STIM1: variants seen among roughly 807,000 people sequenced by gnomAD.
STIM1 encodes the protein stromal interaction molecule 1.
In STIM1, 25 loss-of-function variants were observed where a neutral mutation model predicts 74.7. That is an observed-to-expected ratio of 0.33 (90% CI 0.24 to 0.47). The LOEUF (loss-of-function observed/expected upper bound fraction) is 0.47, where lower values mean the gene tolerates loss of function less well. STIM1 is among the 20% of genes least tolerant of loss of function. The pLI, the probability that STIM1 is intolerant of heterozygous loss-of-function variation, is 1.00. For synonymous variants in STIM1, 328 were observed against 348.8 expected (o/e 0.94, Z 0.66); for missense variants, 728 against 920.8 (o/e 0.79, Z 2.71).
chr11:4,088,855 C>A, intron 12 of STIM1: 1 of 1,018,876 alleles, frequency 9.8e-7, no homozygotes, highest in Non-Finnish European at 1.5e-6. Context: ...GGCCTTTTCC[C>A]TCCTATATCT....
intron 1 of STIM1, among the ~76,000 whole-genome samples, chr11:3,949,183 G>C (rs1377708540): frequency 6.6e-6 from 1 of 152,172 alleles, no homozygotes; most frequent in Non-Finnish European, 1.5e-5. Flanking sequence ...GGTCAGTATA[G>C]AGAAGGCTCC....
chr11:4,074,506 C>T lies in STIM1; in HGVS notation c.796C>T (p.His266Tyr), dbSNP rs2133185569. 16 of 1,613,588 alleles carry T rather than the reference C, an allele frequency of 9.9e-6. No homozygotes were observed. Among genetic ancestry groups the T allele is most frequent in the Non-Finnish European group, 1.4e-5 (16 of 1,179,962 alleles). Residue 266 changes from histidine (H) to tyrosine (Y), a missense_variant, in exon 7 of 13, where the codon CAC becomes TAC. Coordinates refer to ENST00000526596, the MANE Select transcript of STIM1 (RefSeq NM_001382567.1). ...QSLHDLQERL[H>Y]KAQEEHRTVE... The stretch of plus-strand genomic sequence containing the variant: ...CTCCCTGCATTGCCCCCCCAGGCTG[C>T]ACAAGGCCCAGGAGGAGCACCGCAC...
intron 1 of STIM1, among the ~76,000 whole-genome samples, chr11:3,907,062 A>G (rs577212492): frequency 1.3e-5 from 2 of 152,290 alleles, no homozygotes; most frequent in African/African-American, 4.8e-5. Context: ...ATACAAGATC[A>G]GAAAATCAAA....
intron 1 of STIM1, among the ~76,000 whole-genome samples, chr11:3,861,833 C>T (rs1039505896): frequency 6.6e-6 from 1 of 152,122 alleles, no homozygotes; most frequent in Non-Finnish European, 1.5e-5. Context: ...AGCTCTTTGG[C>T]AAGGAAGTGA....
At position 3,917,372 on chromosome 11, in the gene STIM1, A is replaced by G. The variant is rs1027898690; in HGVS notation, c.140-50180A>G. Reference sequence around the variant, plus strand: ...CAAGTTGGATGACTTAAGACTCGTCACTTCTCTCTGAACCTTAATGTCTTT... The same window carrying G: ...CAAGTTGGATGACTTAAGACTCGTCGCTTCTCTCTGAACCTTAATGTCTTT... On this transcript the variant is annotated intron_variant, in intron 1 of 12. Coordinates refer to ENST00000526596, the MANE Select transcript of STIM1 (RefSeq NM_001382567.1). 6.6e-5 allele frequency among the ~76,000 whole-genome samples: 10 copies of G among 151,778 alleles called. No homozygotes were observed. In the South Asian group the frequency reaches 1.0e-3, roughly 16 times the overall value.
intron 5 of STIM1, among the ~76,000 whole-genome samples, chr11:4,067,993 G>A (rs768107503): frequency 6.6e-6 from 1 of 152,200 alleles, no homozygotes; most frequent in Non-Finnish European, 1.5e-5. Context: ...TCATGGATGT[G>A]GCAGGTAGTA....
At chr11:3,980,399 C>T (rs946925760) in intron 2 of STIM1, among the ~76,000 whole-genome samples, 4 of 152,138 alleles carry the variant, frequency 2.6e-5, no homozygotes, top group Non-Finnish European at 4.4e-5. Context: ...GCTATAGCCA[C>T]CCCAGACATG....
chr11:4,080,013 GT>G (rs1379126184), intron 7 of STIM1, among the ~76,000 whole-genome samples: 1 of 152,020 alleles, frequency 6.6e-6, no homozygotes, highest in Non-Finnish European at 1.5e-5. Context: ...GAGCCCAGGA[GT>G]TTGAAACCAG....
At chr11:3,888,425 T>C (rs1313514843) in intron 1 of STIM1, among the ~76,000 whole-genome samples, 1 of 152,164 alleles carries the variant, frequency 6.6e-6, no homozygotes, top group Admixed American at 6.5e-5. Flanking sequence ...AAGAAGCACT[T>C]CCCTTTTCTT....
At position 3,904,737 on chromosome 11, in the gene STIM1, C is replaced by T. The variant is rs538358897; in HGVS notation, c.139+48328C>T. ...AAGGAGGCAGTGTTAGGTGACTGGG[C>T]ATTACTGTGATGCTGTTAACACATG... is the stretch of plus-strand genomic sequence containing the variant. On this transcript the variant is annotated intron_variant, in intron 1 of 12. Transcript: ENST00000526596. Among the ~76,000 whole-genome samples, 13 of 152,094 alleles carry T rather than the reference C, an allele frequency of 8.5e-5. 1 individual carries two copies. Among genetic ancestry groups the T allele is most frequent in the Admixed American group, 3.3e-4 (5 of 15,280 alleles).
At chr11:3,895,164 G>A (rs2092021938) in intron 1 of STIM1, among the ~76,000 whole-genome samples, 2 of 152,150 alleles carry the variant, frequency 1.3e-5, no homozygotes, top group African/African-American at 4.8e-5. Context: ...TGGAGCACTT[G>A]GTGTTCTCTA....
chr11:4,023,330 G>GACAAACAA (rs74727994), intron 2 of STIM1, among the ~76,000 whole-genome samples: 2,242 of 150,860 alleles, frequency 0.015, 47 homozygotes, highest in Admixed American at 0.035. Flanking sequence ...TCTGTCTCAA[G>GACAAACAA]ACAAACAAAC....
At chr11:4,053,626 A>C (rs2094262725) in intron 3 of STIM1, among the ~76,000 whole-genome samples, 1 of 152,168 alleles carries the variant, frequency 6.6e-6, no homozygotes. Flanking sequence ...GATATACCTA[A>C]TGTAAATGAC....
At chr11:4,061,150 AAGGATACAGT>A (rs1487488658) in intron 5 of STIM1, among the ~76,000 whole-genome samples, 1 of 152,208 alleles carries the variant, frequency 6.6e-6, no homozygotes, top group Non-Finnish European at 1.5e-5. Context: ...TCATGTCTGA[AAGGATACAGT>A]AGAAACTGCA....
chr11:3,998,121 G>A (rs1378905569), intron 2 of STIM1, among the ~76,000 whole-genome samples: 1 of 152,122 alleles, frequency 6.6e-6, no homozygotes, highest in Non-Finnish European at 1.5e-5. Flanking sequence ...AGACAGGAGA[G>A]CTTATTTTGT....
chr11:3,938,954 C>T (rs2092970785), intron 1 of STIM1, among the ~76,000 whole-genome samples: 1 of 152,218 alleles, frequency 6.6e-6, no homozygotes. Flanking sequence ...AAACCCCTTT[C>T]TCCTAGGAGG....
At chr11:4,073,576 A>G (rs998692069) in intron 6 of STIM1, among the ~76,000 whole-genome samples, 9 of 152,206 alleles carry the variant, frequency 5.9e-5, no homozygotes, top group Non-Finnish European at 1.2e-4. Flanking sequence ...CTTGGCACTT[A>G]GTAGGCACTT....
intron 4 of STIM1, chr11:4,058,896 A>C: frequency 9.2e-7 from 1 of 1,090,020 alleles, no homozygotes; most frequent in Non-Finnish European, 1.1e-6. Context: ...GTCATATGAC[A>C]TGACAGTTTG....
intron 3 of STIM1, among the ~76,000 whole-genome samples, chr11:4,027,854 G>C (rs1276978657): frequency 1.3e-5 from 2 of 152,066 alleles, no homozygotes; most frequent in Non-Finnish European, 2.9e-5. Context: ...TTAAAGGAAG[G>C]GTGGCTGGGT....
Sources: allele counts gnomAD v4.1 joint callset (sites outside exome capture counted in the v4.1 genomes callset), GRCh38; gene constraint gnomAD v4.1.1; transcripts MANE v1.5; gene names NCBI Gene and HGNC (gene_info 2026-07-23, HGNC 2026-07-21).